The following ZNF750 variants were observed in gnomAD, a reference collection of about 807,000 sequenced individuals.
ZNF750 encodes zinc finger protein 750.
A neutral mutation model predicts 31.6 loss-of-function variants in ZNF750; 10 were observed. The observed-to-expected ratio is 0.32, with a 90% confidence interval of 0.19 to 0.54. The LOEUF is 0.54. ZNF750 is among the 20% of genes least tolerant of loss of function. ZNF750 has a pLI of 0.95. For missense variants in ZNF750, 914 were observed against 934.9 expected (o/e 0.98, Z 0.29); for synonymous variants, 400 against 404.9 (o/e 0.99, Z 0.15).
In ZNF750 at chr17:82,830,614, GC is replaced by G. The variant is rs1567850803; in HGVS notation, c.1699del (p.Ala567ProfsTer104). On this transcript the variant is annotated frameshift_variant, in exon 3 of 3. Transcript: ENST00000269394. LOFTEE classifies it low-confidence loss of function (END_TRUNC). Reference protein sequence around the residue: ...DPCNTQAPRPAFPGRPRAAEP... With the variant: ...DPCNTQAPRPXFPGRPRAAEP... ...TGCAGCTCGTGGTCGACCGGGGAAG[GC>G]AGGCCTCGGAGCCTGGGTGTTACAG... is the stretch of plus-strand genomic sequence containing the variant. 1 of 1,614,052 alleles carries G rather than the reference GC, an allele frequency of 6.2e-7. No homozygotes were observed. The highest frequency in any genetic ancestry group is 2.2e-5 in the East Asian group (1 of 44,870).
chr17:82,836,729 A>C (rs975448560), intron 1 of ZNF750, among the ~76,000 whole-genome samples: 1 of 152,088 alleles, frequency 6.6e-6, no homozygotes, highest in African/African-American at 2.4e-5. Flanking sequence ...AAACAAAAAA[A>C]CAAAAAAACC....
rs2053678674 is a variant in ZNF750 at position 82,833,308 on chromosome 17, G to A, written c.-182-672C>T. On this transcript the variant is annotated intron_variant, in intron 1 of 2. Coordinates refer to ENST00000269394, the MANE Select transcript of ZNF750 (RefSeq NM_024702.3). The surrounding 1 kb of genome is among the most constrained non-coding windows in gnomAD (Gnocchi z 4.7). ...AGAACCCAAGACCATGGATGCTGCT[G>A]CCTCCCCTGGGGCCGATCCCTAAGC... 6.6e-6 allele frequency among the ~76,000 whole-genome samples: 1 copy of A among 152,116 alleles called. No individual in the cohort carries two copies. The highest frequency in any genetic ancestry group is 1.5e-5 in the Non-Finnish European group (1 of 68,018).
At chr17:82,838,214 G>A (rs1259047774) in intron 1 of ZNF750, among the ~76,000 whole-genome samples, 1 of 152,166 alleles carries the variant, frequency 6.6e-6, no homozygotes, top group Non-Finnish European at 1.5e-5. Flanking sequence ...TCTTTCCAAA[G>A]GTTCCTAAGT....
intron 1 of ZNF750, among the ~76,000 whole-genome samples, chr17:82,839,517 C>T (rs7342901): frequency 1.7e-3 from 251 of 151,498 alleles, no homozygotes; most frequent in African/African-American, 5.4e-3. Context: ...AATGTACATA[C>T]ACCACACATA....
chr17:82,830,398 C>T lies in ZNF750; in HGVS notation c.1916G>A (p.Cys639Tyr). 1.9e-6 allele frequency: 3 copies of T among 1,611,962 alleles called. No individual in the cohort carries two copies. Among genetic ancestry groups the T allele is most frequent in the Non-Finnish European group, 2.5e-6 (3 of 1,179,970 alleles). Reference sequence around the variant, plus strand: ...CCTGGGGCTGTAGGCCGCCAGCTGGCACAGGGCCACGGCTGCCGTCTGCTT... The same window carrying T: ...CCTGGGGCTGTAGGCCGCCAGCTGGTACAGGGCCACGGCTGCCGTCTGCTT... ...EQKQTAAVALCQLAAYSPRNI... is the reference protein window; with the variant it reads ...EQKQTAAVALYQLAAYSPRNI... Residue 639 changes from cysteine (C) to tyrosine (Y), a missense_variant, in exon 3 of 3, where the codon TGC becomes TAC. Coordinates refer to ENST00000269394, the MANE Select transcript of ZNF750 (RefSeq NM_024702.3).
At chr17:82,839,061 C>A in intron 1 of ZNF750, 3 of 826,686 alleles carry the variant, frequency 3.6e-6, no homozygotes, top group South Asian at 5.5e-5. Flanking sequence ...CCTTAACAAC[C>A]AAACAGAAAC....
At position 82,831,130 on chromosome 17, in the gene ZNF750, A is replaced by G. The variant is rs1198452679; in HGVS notation, c.1325T>C (p.Leu442Pro). Reference sequence around the variant, plus strand: ...TTGCTCTGGCGGGTAGAGTCTTCCCAGTGCGCTGGAGGCTGCCTTGTTGGA... The same window carrying G: ...TTGCTCTGGCGGGTAGAGTCTTCCCGGTGCGCTGGAGGCTGCCTTGTTGGA... ...DLSNKAASSA[L>P]GRLYPPEQSL... The change falls in exon 2 of 3, where the codon CTG becomes CCG. Residue 442 changes from leucine (L) to proline (P), a missense_variant. This residue lies in a region of ZNF750 where 880 missense variants were observed against 868.9 expected (regional missense o/e 1.01). Transcript: ENST00000269394. The surrounding 1 kb of genome is among the most constrained non-coding windows in gnomAD (Gnocchi z 4.6). 2 of 1,614,076 alleles carry G rather than the reference A, an allele frequency of 1.2e-6. No homozygotes were observed. Among genetic ancestry groups the G allele is most frequent in the Admixed American group, 3.3e-5 (2 of 60,014 alleles).
Position 82,830,523 on chromosome 17 carries a change from A to G in ZNF750, c.1791T>C (p.Pro597=). Residue 597 remains proline, a synonymous_variant, in exon 3 of 3, where the codon CCT becomes CCC. Coordinates refer to ENST00000269394, the MANE Select transcript of ZNF750 (RefSeq NM_024702.3). The part of the protein sequence containing the change: ...TEGSEDGPSH[P]ETKPGSLDGD... ...CGTCGAGGCTGCCTGGCTTGGTCTCAGGGTGGCTGGGCCCATCCTCAGAAC... is the reference window on the plus strand; with the variant it reads ...CGTCGAGGCTGCCTGGCTTGGTCTCGGGGTGGCTGGGCCCATCCTCAGAAC... 1 of 1,613,998 alleles carries G rather than the reference A, an allele frequency of 6.2e-7. No homozygotes were observed. Among genetic ancestry groups the G allele is most frequent in the South Asian group, 1.1e-5 (1 of 91,088 alleles).
chr17:82,830,874 G>T lies in ZNF750; in HGVS notation c.1440C>A (p.Leu480=). Residue 480 remains leucine, a synonymous_variant, in exon 3 of 3, where the codon CTC becomes CTA. Coordinates refer to ENST00000269394, the MANE Select transcript of ZNF750 (RefSeq NM_024702.3). ...CAGGAGGGTCTCCGTTCACAACATT[G>T]AGGCTAGAAGAAGCCAAGAAAAAGC... ...AETTAESPVS[L]NVVNGDPPAP... is the part of the protein sequence containing the mutation. 1 of 1,612,714 alleles carries T rather than the reference G, an allele frequency of 6.2e-7. No individual in the cohort carries two copies. The highest frequency in any genetic ancestry group is 1.7e-5 in the Admixed American group (1 of 60,008).
Position 82,829,928 on chromosome 17 carries a change from A to T in ZNF750, c.*214T>A. ...GTCTTAGAGTCATTCAGGTGTTTTT[A>T]CAACCAAAAGTAGAAGCACCTTTTA... On this transcript the variant is annotated 3_prime_UTR_variant, in exon 3 of 3. Coordinates refer to ENST00000269394, the MANE Select transcript of ZNF750 (RefSeq NM_024702.3). The T allele has an allele frequency of 1.3e-6, 1 of 750,620 alleles. No individual in the cohort carries two copies. Among genetic ancestry groups the T allele is most frequent in the Non-Finnish European group, 2.1e-6 (1 of 475,984 alleles). 46.5% of individuals were successfully genotyped at this position (750,620 alleles called of 1,614,324 possible). A position where few individuals can be genotyped will look rare whatever the true frequency, so the allele number is the denominator to read the frequency against.
intron 2 of ZNF750, 26 bp from the exon 3 acceptor site, chr17:82,830,903 G>A (rs1399626767): frequency 7.4e-6 from 12 of 1,612,732 alleles, no homozygotes; most frequent in Non-Finnish European, 9.3e-6. Flanking sequence ...AAAAAGCTTA[G>A]TAGGAGCTTG....
In ZNF750 at chr17:82,830,705, G is replaced by C. The variant is rs2053419267; in HGVS notation, c.1609C>G (p.Gln537Glu). The change falls in exon 3 of 3, where the codon CAG becomes GAG. Residue 537 changes from glutamine (Q) to glutamate (E), a missense_variant. Transcript: ENST00000269394. ...THEPTYQGSP[Q>E]AETASFSELQ... ...TCTGAGAAGCTGGCGGTTTCCGCCT[G>C]GGGGCTGCCTTGGTACGTGGGTTCG... is the stretch of plus-strand genomic sequence containing the variant. 1.9e-6 allele frequency: 3 copies of C among 1,614,000 alleles called. No homozygotes were observed. Among genetic ancestry groups the C allele is most frequent in the East Asian group, 2.2e-5 (1 of 44,890 alleles).
Position 82,830,110 on chromosome 17 carries a change from G to T in ZNF750, c.*32C>A. The stretch of plus-strand genomic sequence containing the variant: ...CACCTTGGAAGGCGTGTGTGTGGCC[G>T]TAGCTCTGTGAACACACGTGTGAAC... On this transcript the variant is annotated 3_prime_UTR_variant, in exon 3 of 3. Transcript: ENST00000269394. 1.2e-6 allele frequency: 2 copies of T among 1,612,424 alleles called. No homozygotes were observed. The highest frequency in any genetic ancestry group is 1.7e-6 in the Non-Finnish European group (2 of 1,179,892).
rs907016561 is a variant in ZNF750, at chr17:82,830,501, C to T, written c.1813G>A (p.Asp605Asn). 5 of 1,613,472 alleles carry T rather than the reference C, an allele frequency of 3.1e-6. No homozygotes were observed. The highest frequency in any genetic ancestry group is 1.1e-5 in the South Asian group (1 of 91,072). Residue 605 changes from aspartate (D) to asparagine (N), a missense_variant, in exon 3 of 3, where the codon GAC becomes AAC. Coordinates refer to ENST00000269394, the MANE Select transcript of ZNF750 (RefSeq NM_024702.3). Reference protein sequence around the residue: ...SHPETKPGSLDGDGAPPTGPG... With the variant: ...SHPETKPGSLNGDGAPPTGPG... Reference sequence around the variant, plus strand: ...CCTGTGGGTGGGGCCCCGTCACCGTCGAGGCTGCCTGGCTTGGTCTCAGGG... The same window carrying T: ...CCTGTGGGTGGGGCCCCGTCACCGTTGAGGCTGCCTGGCTTGGTCTCAGGG...
rs2053335106 is a variant in ZNF750 at position 82,830,030 on chromosome 17, A to G, written c.*112T>C. 2 of 1,515,308 alleles carry G rather than the reference A, an allele frequency of 1.3e-6. No individual in the cohort carries two copies. Among genetic ancestry groups the G allele is most frequent in the South Asian group, 2.3e-5 (2 of 85,682 alleles). The allele number at this position is 1,515,308 out of a possible 1,614,324, so 93.9% of individuals were successfully genotyped here. A position where few individuals can be genotyped will look rare whatever the true frequency, so the allele number is the denominator to read the frequency against. On this transcript the variant is annotated 3_prime_UTR_variant, in exon 3 of 3. Coordinates refer to ENST00000269394, the MANE Select transcript of ZNF750 (RefSeq NM_024702.3). ...TTGTTTGTTTGTTTTTTTGAGAAGC[A>G]GCAGCTGCATTTGTAAAAATGTGAA...
chr17:82,830,056 A>T lies in ZNF750; in HGVS notation c.*86T>A. On this transcript the variant is annotated 3_prime_UTR_variant, in exon 3 of 3. Coordinates refer to ENST00000269394, the MANE Select transcript of ZNF750 (RefSeq NM_024702.3). ...GCAGCTGCATTTGTAAAAATGTGAA[A>T]GTGCCAGTTCAGAGGTGTTGTAGCT... 2 of 1,574,448 alleles carry T rather than the reference A, an allele frequency of 1.3e-6. No homozygotes were observed. Among genetic ancestry groups the T allele is most frequent in the Non-Finnish European group, 1.7e-6 (2 of 1,154,254 alleles).
At position 82,830,421 on chromosome 17, in the gene ZNF750, C is replaced by T; in HGVS notation, c.1893G>A (p.Lys631=). 1 of 1,611,782 alleles carries T rather than the reference C, an allele frequency of 6.2e-7. No homozygotes were observed. Among genetic ancestry groups the T allele is most frequent in the Non-Finnish European group, 8.5e-7 (1 of 1,179,926 alleles). The change falls in exon 3 of 3, where the codon AAG becomes AAA. Residue 631 remains lysine, a synonymous_variant. Coordinates refer to ENST00000269394, the MANE Select transcript of ZNF750 (RefSeq NM_024702.3). ...GGCACAGGGCCACGGCTGCCGTCTG[C>T]TTCTGCTCCTCGCTGCTGTCCACCG... ...ACAVDSSEEQ[K]QTAAVALCQL...
In ZNF750 at chr17:82,830,193, C is replaced by T; in HGVS notation, c.2121G>A (p.Leu707=). The T allele has an allele frequency of 6.2e-7, 1 of 1,614,262 alleles. No individual in the cohort carries two copies. Among genetic ancestry groups the T allele is most frequent in the Non-Finnish European group, 8.5e-7 (1 of 1,180,052 alleles). Residue 707 remains leucine, a synonymous_variant, in exon 3 of 3, where the codon CTG becomes CTA. Coordinates refer to ENST00000269394, the MANE Select transcript of ZNF750 (RefSeq NM_024702.3). ...KSQQGAKKAK[L]QDTARVFTLR... Reference sequence around the variant, plus strand: ...GTGTGAACACTCTGGCCGTGTCCTGCAGCTTCGCCTTCTTAGCTCCTTGCT... The same window carrying T: ...GTGTGAACACTCTGGCCGTGTCCTGTAGCTTCGCCTTCTTAGCTCCTTGCT...
At chr17:82,834,061 C>A (rs1214338549) in intron 1 of ZNF750, among the ~76,000 whole-genome samples, 1 of 152,178 alleles carries the variant, frequency 6.6e-6, no homozygotes, top group African/African-American at 2.4e-5. Flanking sequence ...TCTCCTGCCT[C>A]AGCCTCCCGA....
Sources: allele counts gnomAD v4.1 joint callset (sites outside exome capture counted in the v4.1 genomes callset), GRCh38; gene constraint gnomAD v4.1.1; regional missense constraint gnomAD v4.1.1; non-coding constraint Gnocchi (gnomAD v3.1); transcripts MANE v1.5; gene names NCBI Gene and HGNC (gene_info 2026-07-23, HGNC 2026-07-21).